Variants in ENTREP2 observed in about 807,000 individuals in gnomAD.
ENTREP2 encodes protein ENTREP2.
At chr15:29,141,955 T>A in the ENTREP2 span, among the ~76,000 whole-genome samples, 1 of 152,192 alleles carries the variant, frequency 6.6e-6, no homozygotes, top group African/African-American at 2.4e-5. Context: ...TCATTATGAC[T>A]GTAATTGCAT....
chr15:29,403,610 T>C, the ENTREP2 span, among the ~76,000 whole-genome samples: 16 of 152,224 alleles, frequency 1.1e-4, no homozygotes, highest in Non-Finnish European at 1.5e-5. Context: ...AATTGCTCTT[T>C]CTTTTCCAAA....
the ENTREP2 span, among the ~76,000 whole-genome samples, chr15:29,307,512 A>T: frequency 1.3e-5 from 2 of 152,262 alleles, no homozygotes; most frequent in Non-Finnish European, 2.9e-5. Context: ...ACATTTAAAA[A>T]GGAGAAATTA....
At chr15:29,215,575 ATAAT>A in the ENTREP2 span, among the ~76,000 whole-genome samples, 4 of 122,106 alleles carry the variant, frequency 3.3e-5, no homozygotes, top group African/African-American at 1.2e-4. Flanking sequence ...TCAAATATAT[ATAAT>A]ATATATATAT....
the ENTREP2 span, among the ~76,000 whole-genome samples, chr15:29,394,888 T>C: frequency 5.3e-3 from 587 of 111,630 alleles, 3 homozygotes; most frequent in Non-Finnish European, 8.0e-3. Context: ...ATCTCTTTTT[T>C]TTTTTTTTTT....
At chr15:29,388,500 C>T in the ENTREP2 span, among the ~76,000 whole-genome samples, 1 of 152,180 alleles carries the variant, frequency 6.6e-6, no homozygotes, top group African/African-American at 2.4e-5. Context: ...GAAATAGGAA[C>T]ACTTTTACAC....
chr15:29,341,054 G>A, the ENTREP2 span, among the ~76,000 whole-genome samples: 1 of 152,216 alleles, frequency 6.6e-6, no homozygotes. Context: ...GCCTTCCAGT[G>A]AAGGAGAGAA....
At chr15:29,624,018 G>T in the ENTREP2 span, among the ~76,000 whole-genome samples, 2 of 152,176 alleles carry the variant, frequency 1.3e-5, no homozygotes, top group Admixed American at 1.3e-4. Context: ...GATTATAGGC[G>T]TGAGCCACCG....
chr15:29,459,261 C>A, the ENTREP2 span, among the ~76,000 whole-genome samples: 2 of 152,300 alleles, frequency 1.3e-5, no homozygotes, highest in East Asian at 3.9e-4. Context: ...TCAAAGAGAC[C>A]TTCAAAGATG....
the ENTREP2 span, among the ~76,000 whole-genome samples, chr15:29,208,306 A>G: frequency 6.6e-6 from 1 of 152,200 alleles, no homozygotes; most frequent in Non-Finnish European, 1.5e-5. Context: ...CAAAAATAGG[A>G]GAAAATAAAA....
At chr15:29,576,841 T>C in the ENTREP2 span, among the ~76,000 whole-genome samples, 1 of 152,234 alleles carries the variant, frequency 6.6e-6, no homozygotes, top group African/African-American at 2.4e-5. Context: ...GGAGTCTCGC[T>C]CTGTCACCCA....
the ENTREP2 span, chr15:29,264,899 TCAA>T: frequency 1.6e-4 from 25 of 152,334 alleles, no homozygotes; most frequent in Admixed American, 6.5e-4. Context: ...AAAAATTTTA[TCAA>T]CAACTGTTTG....
the ENTREP2 span, among the ~76,000 whole-genome samples, chr15:29,158,951 ATAAGAT>A: frequency 6.6e-6 from 1 of 152,200 alleles, no homozygotes; most frequent in African/African-American, 2.4e-5. Flanking sequence ...GATATTAATA[ATAAGAT>A]TAACAGAGAA....
the ENTREP2 span, among the ~76,000 whole-genome samples, chr15:29,577,345 TGTGTGA>T: frequency 5.2e-5 from 7 of 133,968 alleles, no homozygotes; most frequent in East Asian, 2.7e-4. Context: ...TGTGTGTGTG[TGTGTGA>T]GAGAGAGAAA....
chr15:29,421,140 C>T, the ENTREP2 span, among the ~76,000 whole-genome samples: 2 of 152,186 alleles, frequency 1.3e-5, no homozygotes, highest in African/African-American at 4.8e-5. Flanking sequence ...AGATAACCTA[C>T]TAGAGCTGAG....
the ENTREP2 span, among the ~76,000 whole-genome samples, chr15:29,503,926 TTC>T: frequency 1.3e-5 from 2 of 152,224 alleles, no homozygotes; most frequent in Non-Finnish European, 2.9e-5. Context: ...CAATTTTGTA[TTC>T]TTTCTGTTAA....
the ENTREP2 span, among the ~76,000 whole-genome samples, chr15:29,346,072 G>A: frequency 1.1e-4 from 16 of 152,268 alleles, no homozygotes; most frequent in African/African-American, 3.4e-4. Context: ...CAAGCATCCC[G>A]CTCGGCGAAC....
the ENTREP2 span, among the ~76,000 whole-genome samples, chr15:29,422,226 C>T: frequency 3.3e-5 from 5 of 151,688 alleles, no homozygotes; most frequent in East Asian, 5.8e-4. Context: ...GCCGAGGTCG[C>T]GCCATTGCAC....
chr15:29,662,784 A>G, the ENTREP2 span, among the ~76,000 whole-genome samples: 2 of 151,922 alleles, frequency 1.3e-5, no homozygotes, highest in East Asian at 3.9e-4. Context: ...GCAATGGCGC[A>G]ATCTCTGCTC....
chr15:29,377,909 T>C, the ENTREP2 span, among the ~76,000 whole-genome samples: 1,935 of 148,378 alleles, frequency 0.013, 51 homozygotes, highest in African/African-American at 0.046. Context: ...GTATGATGGG[T>C]GAGGAAGGAG....
Sources: gnomAD v4.1 joint callset for allele counts (sites outside exome capture counted in the v4.1 genomes callset) on GRCh38, gnomAD v4.1.1 for gene constraint, MANE v1.5 for transcripts, NCBI Gene and HGNC (gene_info 2026-07-23, HGNC 2026-07-21) for gene names.